The following FANCC variants were observed in gnomAD, a reference collection of about 807,000 sequenced individuals.
FANCC encodes the protein FA complementation group C.
A neutral mutation model predicts 71.3 loss-of-function variants in FANCC; 55 were observed. The ratio of observed to expected loss-of-function variants is 0.77; its 90% confidence interval spans 0.62 to 0.97. The LOEUF is 0.97. Among genes scored for constraint, FANCC ranks in the 50% least tolerant of loss-of-function variants. The probability of loss-of-function intolerance (pLI) is 0.00; values close to 1 mark genes in which losing one functional copy is unlikely to be tolerated. For synonymous variants in FANCC, 275 were observed against 244.9 expected (o/e 1.12, Z -1.15); for missense variants, 678 against 670.9 (o/e 1.01, Z -0.12).
chr9:95,214,763 A>C (rs966375634), intron 4 of FANCC, among the ~76,000 whole-genome samples: 1 of 152,242 alleles, frequency 6.6e-6, no homozygotes, highest in African/African-American at 2.4e-5. Context: ...CAGAAAGACA[A>C]ACGTATGACT....
intron 4 of FANCC, among the ~76,000 whole-genome samples, chr9:95,207,863 A>AGT (rs916296424): frequency 2.0e-5 from 3 of 152,122 alleles, no homozygotes; most frequent in African/African-American, 7.2e-5. Context: ...ATGAAGGGTG[A>AGT]GTGTGTGTGT....
At chr9:95,305,352 G>C (rs1835012434) in intron 1 of FANCC, among the ~76,000 whole-genome samples, 1 of 152,130 alleles carries the variant, frequency 6.6e-6, no homozygotes, top group Non-Finnish European at 1.5e-5. Context: ...TGGCCAAAAT[G>C]ATACCTCACC....
At chr9:95,198,499 G>A (rs1212745256) in intron 4 of FANCC, among the ~76,000 whole-genome samples, 4 of 152,148 alleles carry the variant, frequency 2.6e-5, no homozygotes, top group Non-Finnish European at 1.5e-5. Flanking sequence ...CTGTTGGTCA[G>A]GGAAGATTTT....
rs2071083777 is a variant in FANCC at position 95,101,748 on chromosome 9, G to C, written c.1636C>G (p.Leu546Val). 6.2e-7 allele frequency: 1 copy of C among 1,614,156 alleles called. No individual in the cohort carries two copies. ...LGIESPRSEK[L>V]ARELLKELRT... ...AGCTCTTTAAGGAGCTCTCGGGCCA[G>C]TTTTTCTGATCTAGGGCTTTCAATG... The change falls in exon 15 of 15, where the codon CTG (leucine) becomes GTG (valine). Residue 546 changes from leucine to valine, a missense_variant. By Grantham distance (32) the Leu-to-Val change is conservative (BLOSUM62 1). Coordinates refer to ENST00000289081, the MANE Select transcript of FANCC (RefSeq NM_000136.3).
intron 4 of FANCC, among the ~76,000 whole-genome samples, chr9:95,200,284 T>C (rs1827726600): frequency 6.6e-6 from 1 of 152,156 alleles, no homozygotes; most frequent in Non-Finnish European, 1.5e-5. Flanking sequence ...GAAGCTCAAC[T>C]CACCTATCTA....
chr9:95,296,935 A>T (rs967796118), intron 1 of FANCC, among the ~76,000 whole-genome samples: 2 of 152,262 alleles, frequency 1.3e-5, no homozygotes, highest in African/African-American at 4.8e-5. Flanking sequence ...ATCCTCTTGA[A>T]GAAACTCTTA....
At chr9:95,273,805 T>C (rs952161231) in intron 1 of FANCC, among the ~76,000 whole-genome samples, 3 of 152,192 alleles carry the variant, frequency 2.0e-5, no homozygotes, top group African/African-American at 7.2e-5. Context: ...ACGGGGTCAG[T>C]TGCTCATCCC....
intron 1 of FANCC, among the ~76,000 whole-genome samples, chr9:95,256,812 T>C (rs543242552): frequency 1.1e-4 from 17 of 151,228 alleles, no homozygotes; most frequent in African/African-American, 3.6e-4. Flanking sequence ...AAGACAGACA[T>C]AGGCTCAAAA....
intron 4 of FANCC, among the ~76,000 whole-genome samples, chr9:95,232,224 G>A (rs139960858): frequency 6.6e-6 from 1 of 152,288 alleles, no homozygotes; most frequent in African/African-American, 2.4e-5. Flanking sequence ...GGGGGATGGT[G>A]CTAAACCATT....
intron 7 of FANCC, among the ~76,000 whole-genome samples, chr9:95,142,879 C>G (rs1828981312): frequency 6.6e-6 from 1 of 152,178 alleles, no homozygotes; most frequent in African/African-American, 2.4e-5. Flanking sequence ...TCTTCCTCCA[C>G]ACAAACCAAT....
chr9:95,294,747 G>A (rs1445196905), intron 1 of FANCC: 1 of 1,599,962 alleles, frequency 6.3e-7, no homozygotes, highest in Non-Finnish European at 8.5e-7. Flanking sequence ...ACATGATGGA[G>A]TCTCAGTTCA....
At chr9:95,183,476 A>G (rs1431705810) in intron 4 of FANCC, among the ~76,000 whole-genome samples, 1 of 152,266 alleles carries the variant, frequency 6.6e-6, no homozygotes, top group East Asian at 1.9e-4. Context: ...AGTGAAGAAC[A>G]TAATCGCTGC....
intron 4 of FANCC, among the ~76,000 whole-genome samples, chr9:95,223,364 T>C (rs1829403017): frequency 1.3e-5 from 2 of 152,218 alleles, no homozygotes; most frequent in South Asian, 4.1e-4. Context: ...GAGCTCTTTC[T>C]TCATCTCCAC....
intron 1 of FANCC, among the ~76,000 whole-genome samples, chr9:95,274,778 GGAAATCTCAAAAAAT>G (rs1295072456): frequency 1.4e-4 from 22 of 152,054 alleles, no homozygotes; most frequent in African/African-American, 5.3e-4. Context: ...AGACCATCAA[GGAAATCTCAAAAAAT>G]GAAATGGACT....
intron 14 of FANCC, among the ~76,000 whole-genome samples, chr9:95,103,409 G>A (rs1405241598): frequency 1.3e-5 from 2 of 152,230 alleles, no homozygotes; most frequent in Admixed American, 6.5e-5. Flanking sequence ...ATTGAACTCT[G>A]CATCTCGGAA....
intron 1 of FANCC, among the ~76,000 whole-genome samples, chr9:95,270,350 A>G (rs1564814642): frequency 6.6e-6 from 1 of 152,172 alleles, no homozygotes; most frequent in East Asian, 1.9e-4. Flanking sequence ...TGTACAAAGC[A>G]ACCACCCGGA....
intron 12 of FANCC, among the ~76,000 whole-genome samples, chr9:95,112,452 GTCC>G (rs2072024273): frequency 6.6e-6 from 1 of 152,168 alleles, no homozygotes; most frequent in Admixed American, 6.5e-5. Flanking sequence ...GGACACTGCT[GTCC>G]TCCTGCCCCA....
intron 5 of FANCC, among the ~76,000 whole-genome samples, chr9:95,171,611 A>G (rs1825682303): frequency 6.6e-6 from 1 of 152,212 alleles, no homozygotes; most frequent in African/African-American, 2.4e-5. Flanking sequence ...GCCAGAAGAA[A>G]ACAATGCTTT....
In FANCC at chr9:95,111,541, T is replaced by A; in HGVS notation, c.1251A>T (p.Glu417Asp). ...AGAGCCACAGCAGGGCCGTGGGGGG[T>A]TCGGCTGCCGACATCAGTAATTGCT... ...VAEQLLMSAA[E>D]PPTALLWLLA... The change falls in exon 13 of 15, where the codon GAA becomes GAT. Residue 417 changes from glutamate to aspartate, a missense_variant. Physicochemically the swap from Glu to Asp is conservative, Grantham distance 45. Coordinates refer to ENST00000289081, the MANE Select transcript of FANCC (RefSeq NM_000136.3). 1 of 1,613,928 alleles carries A rather than the reference T, an allele frequency of 6.2e-7. No individual in the cohort carries two copies. Among genetic ancestry groups the A allele is most frequent in the Non-Finnish European group, 8.5e-7 (1 of 1,180,006 alleles).
Sources: gnomAD v4.1 joint callset for allele counts (sites outside exome capture counted in the v4.1 genomes callset) on GRCh38, gnomAD v4.1.1 for gene constraint, MANE v1.5 for transcripts, NCBI Gene and HGNC (gene_info 2026-07-23, HGNC 2026-07-21) for gene names.